The following EFCAB5 variants were observed in gnomAD, a reference collection of about 807,000 sequenced individuals.
EFCAB5 encodes the protein EF-hand calcium binding domain 5, also known as EF-hand calcium-binding domain-containing protein 5.
Under a neutral mutation model 167.9 loss-of-function variants are expected in EFCAB5, and 131 were observed. The ratio of observed to expected loss-of-function variants is 0.78; its 90% CI spans 0.68 to 0.90. The LOEUF is 0.90. Ranked by LOEUF, EFCAB5 falls within the 40% of genes least tolerant of loss-of-function variation. The pLI is 0.00. For synonymous variants in EFCAB5, 574 were observed against 602.8 expected (o/e 0.95, Z 0.70); for missense variants, 1,663 against 1,745.2 (o/e 0.95, Z 0.84).
At chr17:30,002,713 G>C (rs975474123) in intron 7 of EFCAB5, among the ~76,000 whole-genome samples, 1 of 152,020 alleles carries the variant, frequency 6.6e-6, no homozygotes, top group African/African-American at 2.4e-5. Flanking sequence ...ACTCTATTTA[G>C]AGAATTTCTT....
chr17:29,970,039 A>G (rs2067916909), intron 4 of EFCAB5, among the ~76,000 whole-genome samples: 1 of 152,210 alleles, frequency 6.6e-6, no homozygotes, highest in Non-Finnish European at 1.5e-5. Context: ...AAATATTAAA[A>G]GAATTCTTCC....
At chr17:29,947,524 A>G (rs1465268637) in intron 3 of EFCAB5, among the ~76,000 whole-genome samples, 1 of 152,212 alleles carries the variant, frequency 6.6e-6, no homozygotes, top group Non-Finnish European at 1.5e-5. Flanking sequence ...CCACTATACA[A>G]TTCATCCATG....
In EFCAB5 at chr17:30,013,120, G is replaced by A. The variant is rs140836805; in HGVS notation, c.1044+13144G>A. Among the ~76,000 whole-genome samples the A allele has an allele frequency of 4.1e-3, 627 of 152,204 alleles. 5 individuals carry two copies. Among genetic ancestry groups the A allele is most frequent in the African/African-American group, 0.014 (595 of 41,532 alleles). The stretch of plus-strand genomic sequence containing the variant: ...GGATTACGTTTATTGATTTGTGTAT[G>A]TTGAACCAGTCTTGCATCCCAGGGA... On this transcript the variant is annotated intron_variant, in intron 7 of 22. Coordinates refer to ENST00000394835, the MANE Select transcript of EFCAB5 (RefSeq NM_198529.4).
intron 3 of EFCAB5, among the ~76,000 whole-genome samples, chr17:29,953,578 G>T (rs2151541834): frequency 6.6e-6 from 1 of 152,318 alleles, no homozygotes; most frequent in East Asian, 1.9e-4. Context: ...CACCGTCATT[G>T]TGAGGCCTCC....
intron 8 of EFCAB5, among the ~76,000 whole-genome samples, chr17:30,041,367 A>G (rs1013045655): frequency 6.6e-6 from 1 of 152,242 alleles, no homozygotes; most frequent in African/African-American, 2.4e-5. Context: ...TTCAGTAGAC[A>G]AAATAGCTGC....
At position 29,981,186 on chromosome 17, in the gene EFCAB5, A is replaced by G. The variant is rs1036256177; in HGVS notation, c.767+11819A>G. Among the ~76,000 whole-genome samples, 6 of 152,150 alleles carry G rather than the reference A, an allele frequency of 3.9e-5. No homozygotes were observed. The South Asian group carries it at 1.2e-3, about 31-fold the overall frequency. ...CCCCAATGTGAACCCTTTCAGTGGT[A>G]CCCTTTTACCCTCAGAATAAAGAAC... On this transcript the variant is annotated intron_variant, in intron 4 of 22. Coordinates refer to ENST00000394835, the MANE Select transcript of EFCAB5 (RefSeq NM_198529.4).
At chr17:29,950,101 A>C (rs2067477631) in intron 3 of EFCAB5, among the ~76,000 whole-genome samples, 1 of 152,154 alleles carries the variant, frequency 6.6e-6, no homozygotes, top group Non-Finnish European at 1.5e-5. Flanking sequence ...ACTTATACAC[A>C]GATTTTCTTC....
chr17:29,971,095 T>G (rs1162645959), intron 4 of EFCAB5, among the ~76,000 whole-genome samples: 1 of 151,770 alleles, frequency 6.6e-6, no homozygotes, highest in Non-Finnish European at 1.5e-5. Context: ...AAGATTTTAA[T>G]GTAGGTTTTG....
chr17:30,051,203 G>T lies in EFCAB5; in HGVS notation c.1286G>T (p.Arg429Leu). 1 of 1,613,924 alleles carries T rather than the reference G, an allele frequency of 6.2e-7. No individual in the cohort carries two copies. Among genetic ancestry groups the T allele is most frequent in the Non-Finnish European group, 8.5e-7 (1 of 1,179,870 alleles). The change falls in exon 9 of 23, where the codon CGA becomes CTA. Residue 429 changes from arginine (R) to leucine (L), a missense_variant. Physicochemically the swap from Arg to Leu is moderately radical, Grantham distance 102. Transcript: ENST00000394835. ...TCACAAATGCTTAGGAGTTTACTTC[G>T]AAACCCACGACAATGTAAGTGCCGC... Reference protein sequence around the residue: ...HSSQMLRSLLRNPRQWPFIEF... With the variant: ...HSSQMLRSLLLNPRQWPFIEF...
chr17:29,991,759 C>T (rs1209215069), intron 4 of EFCAB5, among the ~76,000 whole-genome samples: 2 of 152,194 alleles, frequency 1.3e-5, no homozygotes, highest in Admixed American at 1.3e-4. Context: ...TTCCCAACAC[C>T]TGAAATCAAT....
intron 8 of EFCAB5, among the ~76,000 whole-genome samples, chr17:30,036,525 G>A (rs2069635052): frequency 6.6e-6 from 1 of 151,336 alleles, no homozygotes; most frequent in Non-Finnish European, 1.5e-5. Context: ...TACCTTCTGG[G>A]TTCAAGTAAT....
At chr17:29,974,337 G>A (rs564648647) in intron 4 of EFCAB5, among the ~76,000 whole-genome samples, 32 of 151,770 alleles carry the variant, frequency 2.1e-4, no homozygotes, top group Admixed American at 3.9e-4. Flanking sequence ...CCAGGAGTTC[G>A]AGACCAGCCT....
At chr17:30,000,770 A>G (rs1005482623) in intron 7 of EFCAB5, among the ~76,000 whole-genome samples, 3 of 152,176 alleles carry the variant, frequency 2.0e-5, no homozygotes, top group African/African-American at 7.2e-5. Flanking sequence ...ATTCTACCTC[A>G]GTTATGTTCT....
intron 16 of EFCAB5, 42 bp downstream of exon 16, chr17:30,080,283 A>T (rs2070958669): frequency 2.7e-6 from 4 of 1,488,380 alleles, no homozygotes; most frequent in Non-Finnish European, 3.6e-6. Context: ...CTCCTAAAAA[A>T]ATAATTCCCT....
At position 29,993,285 on chromosome 17, in the gene EFCAB5, G is replaced by C; in HGVS notation, c.888G>C (p.Trp296Cys). The change falls in exon 5 of 23, where the codon TGG becomes TGC. Residue 296 changes from tryptophan (W) to cysteine (C), a missense_variant. Coordinates refer to ENST00000394835, the MANE Select transcript of EFCAB5 (RefSeq NM_198529.4). ...CTCTGCAGGAGCAATTCGATGAATGGATTCTAGACCCTAAAGGAATGATTC... is the reference window on the plus strand; with the variant it reads ...CTCTGCAGGAGCAATTCGATGAATGCATTCTAGACCCTAAAGGAATGATTC... ...KQALQEQFDE[W>C]ILDPKGMIPK... 3.1e-6 allele frequency: 5 copies of C among 1,613,740 alleles called. No individual in the cohort carries two copies. The highest frequency in any genetic ancestry group is 4.2e-6 in the Non-Finnish European group (5 of 1,179,776).
At chr17:30,046,404 T>C (rs1480634830) in intron 8 of EFCAB5, among the ~76,000 whole-genome samples, 1 of 152,180 alleles carries the variant, frequency 6.6e-6, no homozygotes, top group Non-Finnish European at 1.5e-5. Context: ...AGAGAGGTTA[T>C]AGAAAGTAAA....
chr17:30,037,020 T>C (rs1001360045), intron 8 of EFCAB5, among the ~76,000 whole-genome samples: 1 of 152,276 alleles, frequency 6.6e-6, no homozygotes, highest in South Asian at 2.1e-4. Flanking sequence ...GGCAACATTA[T>C]TGATACCCCT....
At chr17:30,074,537 GGTTT>G (rs1260159861) in intron 14 of EFCAB5, 1 of 152,064 alleles carries the variant, frequency 6.6e-6, no homozygotes, top group Admixed American at 6.5e-5. Flanking sequence ...AATACACCAT[GGTTT>G]GTTTATCCGT....
intron 14 of EFCAB5, among the ~76,000 whole-genome samples, chr17:30,075,699 C>T (rs753026775): frequency 1.3e-5 from 2 of 152,094 alleles, no homozygotes; most frequent in African/African-American, 4.8e-5. Context: ...TGAAGGTTGC[C>T]CTTCCACATG....
Sources: gnomAD v4.1 joint callset for allele counts (sites outside exome capture counted in the v4.1 genomes callset) on GRCh38, gnomAD v4.1.1 for gene constraint, MANE v1.5 for transcripts, NCBI Gene and HGNC (gene_info 2026-07-23, HGNC 2026-07-21) for gene names.